The following CAPN2 variants were observed in gnomAD, a reference collection of about 807,000 sequenced individuals.
The protein encoded by CAPN2 is calpain 2.
Under a neutral mutation model 102.3 loss-of-function variants are expected in CAPN2, and 92 were observed. That is an observed-to-expected ratio of 0.90 (90% CI 0.76 to 1.07). The LOEUF (loss-of-function observed/expected upper bound fraction) is 1.07, where lower values mean the gene tolerates loss of function less well. Among genes scored for constraint, CAPN2 ranks in the 50% least tolerant of loss-of-function variants. CAPN2 has a pLI of 0.00. For missense variants in CAPN2, 800 were observed against 909.4 expected (o/e 0.88, Z 1.55); for synonymous variants, 340 against 355.4 (o/e 0.96, Z 0.49).
chr1:223,729,708 G>C (rs113176993), intron 2 of CAPN2, among the ~76,000 whole-genome samples: 1 of 152,130 alleles, frequency 6.6e-6, no homozygotes, highest in African/African-American at 2.4e-5. Context: ...ACTATCTAAA[G>C]ACCTGGAATC....
At chr1:223,708,790 G>T (rs569733785), upstream of CAPN2, among the ~76,000 whole-genome samples, 1 of 150,478 alleles carries the variant, frequency 6.6e-6, no homozygotes, top group East Asian at 1.9e-4. Flanking sequence ...AAGAGAGAGA[G>T]AGAGAGAAAG....
intron 2 of CAPN2, among the ~76,000 whole-genome samples, chr1:223,740,406 A>G (rs904858332): frequency 2.6e-5 from 4 of 152,204 alleles, no homozygotes; most frequent in African/African-American, 9.6e-5. Flanking sequence ...TTATAACCTG[A>G]CGCGTCCACC....
At chr1:223,752,438 A>G (rs994653371) in intron 8 of CAPN2, among the ~76,000 whole-genome samples, 2 of 152,106 alleles carry the variant, frequency 1.3e-5, no homozygotes, top group Admixed American at 6.5e-5. Flanking sequence ...GCAGCAATGG[A>G]CCCACATGTC....
intron 2 of CAPN2, among the ~76,000 whole-genome samples, chr1:223,734,322 G>C (rs964566551): frequency 1.3e-5 from 2 of 152,062 alleles, no homozygotes; most frequent in Non-Finnish European, 2.9e-5. Context: ...GTCTTGCCTT[G>C]TCACCTATGC....
At chr1:223,746,924 G>C in intron 4 of CAPN2, 73 bp from the exon 5 acceptor site, 2 of 1,373,304 alleles carry the variant, frequency 1.5e-6, no homozygotes, top group Non-Finnish European at 2.0e-6. Flanking sequence ...GACGGTACTA[G>C]GGGGTGGCTG....
rs1660976962 is a variant in CAPN2, at chr1:223,754,336, G to A, written c.1136-1144G>A. ...CCCAGAGGCGCTGGGAAGGCCCTCTGCCCCCCACAAGGGACCCCTCCTACC... is the reference window on the plus strand; with the variant it reads ...CCCAGAGGCGCTGGGAAGGCCCTCTACCCCCCACAAGGGACCCCTCCTACC... On this transcript the variant is annotated intron_variant, in intron 9 of 20. Transcript: ENST00000295006. The surrounding 1 kb of genome is among the most constrained non-coding windows in gnomAD (Gnocchi z 4.7). Among the ~76,000 whole-genome samples, 1 of 152,116 alleles carries A rather than the reference G, an allele frequency of 6.6e-6. No homozygotes were observed. Among genetic ancestry groups the A allele is most frequent in the African/African-American group, 2.4e-5 (1 of 41,416 alleles).
intron 14 of CAPN2, among the ~76,000 whole-genome samples, chr1:223,763,539 G>GC (rs1425863023): frequency 6.6e-5 from 10 of 152,350 alleles, no homozygotes; most frequent in South Asian, 6.2e-4. Context: ...CCCATGAGGG[G>GC]CCCTGGCATG....
Position 223,745,472 on chromosome 1 carries a change from T to G in CAPN2, c.560+33T>G, listed in dbSNP as rs377709726. 5.6e-6 allele frequency: 9 copies of G among 1,613,118 alleles called. No homozygotes were observed. The African/African-American group carries it at 1.1e-4, about 19-fold the overall frequency. ...GCCATCCTCCCCTGGCCCCATGGCC[T>G]TCCCCCAATGCCCTGGATTCCAAAA... On this transcript the variant is annotated intron_variant, in intron 4 of 20. Transcript: ENST00000295006.
At chr1:223,704,124 C>T (rs916668023) in intron 1 of CAPN2, among the ~76,000 whole-genome samples, 11 of 152,110 alleles carry the variant, frequency 7.2e-5, no homozygotes, top group Admixed American at 3.3e-4. Context: ...AACCCCGTCT[C>T]TACTAAAAAT....
At chr1:223,763,404 C>T (rs1336804643) in intron 14 of CAPN2, among the ~76,000 whole-genome samples, 1 of 152,198 alleles carries the variant, frequency 6.6e-6, no homozygotes, top group East Asian at 1.9e-4. Context: ...CTTCTTTCCC[C>T]TCTGATTGAA....
rs990718508 is a variant in CAPN2 at position 223,725,428 on chromosome 1, A to G, written c.307+7597A>G. On this transcript the variant is annotated intron_variant, in intron 2 of 20. Transcript: ENST00000295006. This position sits in a 1 kb window ranked among gnomAD's most constrained non-coding sequence, Gnocchi z 4.1. The stretch of plus-strand genomic sequence containing the variant: ...TACCTCAGAGGACTGTAAAGATGAA[A>G]TGAAATAATAGACATATAAAGCTCA... 1.5e-4 allele frequency among the ~76,000 whole-genome samples: 23 copies of G among 152,206 alleles called. 1 individual carries two copies. The highest frequency in any genetic ancestry group is 1.2e-4 in the Non-Finnish European group (8 of 68,034).
At position 223,767,191 on chromosome 1, in the gene CAPN2, TA is replaced by T. The variant is rs1337055475; in HGVS notation, c.1755+761del. On this transcript the variant is annotated intron_variant, in intron 16 of 20. Coordinates refer to ENST00000295006, the MANE Select transcript of CAPN2 (RefSeq NM_001748.5). ...CGTCTTCTTTATTTATTTATTTATT[TA>T]TTTTTTATTATTATACTTTAAGTTT... 4.0e-4 allele frequency among the ~76,000 whole-genome samples: 59 copies of T among 148,900 alleles called. 1 individual carries two copies. The Middle Eastern group carries it at 0.014, about 35-fold the overall frequency.
intron 15 of CAPN2, among the ~76,000 whole-genome samples, chr1:223,765,335 G>T (rs532758290): frequency 6.6e-6 from 1 of 152,332 alleles, no homozygotes; most frequent in South Asian, 2.1e-4. Flanking sequence ...GGTCAGTCCA[G>T]TGCAGGGCCT....
chr1:223,737,834 G>C (rs529637024), intron 2 of CAPN2, among the ~76,000 whole-genome samples: 1 of 151,740 alleles, frequency 6.6e-6, no homozygotes, highest in South Asian at 2.1e-4. Flanking sequence ...AAAAAGGCAT[G>C]CATGCTTTCA....
At chr1:223,757,311 G>C in intron 10 of CAPN2, 58 bp from the exon 11 acceptor site, 6 of 1,593,264 alleles carry the variant, frequency 3.8e-6, no homozygotes, top group Non-Finnish European at 5.2e-6. Context: ...AGAGCACAGT[G>C]ATGCATTTTC....
rs1253456015 is a variant in CAPN2 at position 223,741,435 on chromosome 1, AATG to A, written c.308-2664_308-2662del. Reference sequence around the variant, plus strand: ...GGCTGTAAAATGTATATATATATATAATGTGTATATATATATATATATATATAT... The same window carrying A: ...GGCTGTAAAATGTATATATATATATATGTATATATATATATATATATATAT... On this transcript the variant is annotated intron_variant, in intron 2 of 20. Transcript: ENST00000295006. Among the ~76,000 whole-genome samples the A allele has an allele frequency of 1.3e-3, 51 of 40,558 alleles. 1 individual carries two copies. The highest frequency in any genetic ancestry group is 7.3e-3 in the African/African-American group (47 of 6,420). 26.6% of individuals were successfully genotyped at this position (40,558 alleles called of 152,430 possible).
chr1:223,720,315 C>CTCTTTTTTTTT (rs564518898), intron 2 of CAPN2, among the ~76,000 whole-genome samples: 1 of 107,468 alleles, frequency 9.3e-6, no homozygotes, highest in Admixed American at 1.2e-4. Flanking sequence ...CTCTTTCTCT[C>CTCTTTTTTTTT]TTTTTTTTTT....
intron 2 of CAPN2, among the ~76,000 whole-genome samples, chr1:223,724,819 T>C (rs1660146694): frequency 6.6e-6 from 1 of 151,938 alleles, no homozygotes. Flanking sequence ...AAAAAATTTT[T>C]TTAATTAGCT....
chr1:223,707,982 G>A (rs1173405473), upstream of CAPN2, among the ~76,000 whole-genome samples: 1 of 152,206 alleles, frequency 6.6e-6, no homozygotes, highest in Admixed American at 6.5e-5. Context: ...CAAGAGCCTC[G>A]AGCCCAGAAG....
Sources: gnomAD v4.1 joint callset for allele counts (sites outside exome capture counted in the v4.1 genomes callset) on GRCh38, gnomAD v4.1.1 for gene constraint, Gnocchi (gnomAD v3.1) non-coding constraint, MANE v1.5 for transcripts, NCBI Gene and HGNC (gene_info 2026-07-23, HGNC 2026-07-21) for gene names.